Variants in MPPED2 observed in about 807,000 individuals in gnomAD.
MPPED2 encodes the protein metallophosphoesterase domain containing 2, also known as metallophosphoesterase MPPED2.
In MPPED2, 5 loss-of-function variants were observed where a neutral mutation model predicts 33.0. The observed-to-expected ratio is 0.15, with a 90% CI of 0.08 to 0.32. MPPED2 has a LOEUF of 0.32. Among genes scored for constraint, MPPED2 ranks in the 10% least tolerant of loss-of-function variants. The pLI is 1.00. For missense variants in MPPED2, 275 were observed against 372.1 expected, an observed-to-expected ratio of 0.74 and a Z score of 2.15; for synonymous variants, 136 against 141.9, an observed-to-expected ratio of 0.96 and a Z score of 0.29.
chr11:30,457,595 T>A (rs1207814614), intron 4 of MPPED2, among the ~76,000 whole-genome samples: 1 of 152,170 alleles, frequency 6.6e-6, no homozygotes. Context: ...ACATGTAAGA[T>A]CGTATTTAAT....
At chr11:30,418,378 T>C (rs1160776020) in intron 4 of MPPED2, among the ~76,000 whole-genome samples, 2 of 152,222 alleles carry the variant, frequency 1.3e-5, no homozygotes, top group East Asian at 1.9e-4. Context: ...TGATGTTCCA[T>C]GTAGAAGGGA....
intron 3 of MPPED2, among the ~76,000 whole-genome samples, chr11:30,516,719 G>T (rs1012462149): frequency 6.6e-6 from 1 of 152,220 alleles, no homozygotes; most frequent in Non-Finnish European, 1.5e-5. Flanking sequence ...AAGTGCTAAT[G>T]CTGGAATTTT....
chr11:30,483,300 GAAGCATT>G (rs1951576090), intron 4 of MPPED2, among the ~76,000 whole-genome samples: 1 of 152,204 alleles, frequency 6.6e-6, no homozygotes, highest in Non-Finnish European at 1.5e-5. Flanking sequence ...TGAAAAACAG[GAAGCATT>G]AAGTAATGTT....
chr11:30,495,552 A>T, intron 3 of MPPED2, 31 bp from the exon 4 acceptor site: 1 of 1,526,188 alleles, frequency 6.6e-7, no homozygotes, highest in Non-Finnish European at 9.1e-7. Flanking sequence ...ACCAATTAGC[A>T]CGTTCATTTC....
At chr11:30,405,001 C>T (rs1478861688) in intron 6 of MPPED2, among the ~76,000 whole-genome samples, 8 of 152,074 alleles carry the variant, frequency 5.3e-5, no homozygotes, top group South Asian at 4.1e-4. Context: ...ACAATCAGAA[C>T]GTGGCACAGC....
At chr11:30,522,692 G>A (rs557498923) in intron 3 of MPPED2, among the ~76,000 whole-genome samples, 10 of 152,144 alleles carry the variant, frequency 6.6e-5, no homozygotes, top group African/African-American at 1.7e-4. Flanking sequence ...CCTGCCCTGC[G>A]TGTGGGAATG....
intron 4 of MPPED2, among the ~76,000 whole-genome samples, chr11:30,482,944 A>G (rs1402288566): frequency 6.6e-6 from 1 of 151,268 alleles, no homozygotes; most frequent in Non-Finnish European, 1.5e-5. Flanking sequence ...AAATACGAAT[A>G]CCCTCCTTAA....
chr11:30,466,666 C>T (rs1950719490), intron 4 of MPPED2, among the ~76,000 whole-genome samples: 1 of 152,196 alleles, frequency 6.6e-6, no homozygotes, highest in Non-Finnish European at 1.5e-5. Context: ...GGCAGTGATG[C>T]AAATGAACCA....
intron 4 of MPPED2, among the ~76,000 whole-genome samples, chr11:30,469,574 T>C (rs1181182272): frequency 6.6e-6 from 1 of 152,200 alleles, no homozygotes; most frequent in Non-Finnish European, 1.5e-5. Context: ...TACATTACTA[T>C]AATGTTAATA....
intron 6 of MPPED2, among the ~76,000 whole-genome samples, chr11:30,403,715 A>G (rs1009792485): frequency 2.6e-5 from 4 of 152,202 alleles, no homozygotes; most frequent in Non-Finnish European, 4.4e-5. Flanking sequence ...TATTTGAGAC[A>G]GTAGTAGATC....
intron 4 of MPPED2, among the ~76,000 whole-genome samples, chr11:30,459,086 C>T (rs1020535588): frequency 6.6e-6 from 1 of 151,282 alleles, no homozygotes; most frequent in African/African-American, 2.4e-5. Flanking sequence ...CCACTACGCC[C>T]GGCTAATTTT....
At position 30,551,648 on chromosome 11, in the gene MPPED2, C is replaced by T. The variant is rs117068902; in HGVS notation, c.129-15473G>A. Among the ~76,000 whole-genome samples, 1,370 of 152,242 alleles carry T rather than the reference C, an allele frequency of 9.0e-3. 13 individuals carry two copies. Among genetic ancestry groups the T allele is most frequent in the Middle Eastern group, 0.014 (4 of 294 alleles). On this transcript the variant is annotated intron_variant, in intron 2 of 6. Transcript: ENST00000358117. ...TATTATTTGCTTCTATCTCTTATTT[C>T]GTTTAAAAGAAAAACAGATGGTTTA...
At chr11:30,436,896 G>A (rs898897997) in intron 4 of MPPED2, among the ~76,000 whole-genome samples, 1 of 152,144 alleles carries the variant, frequency 6.6e-6, no homozygotes, top group Non-Finnish European at 1.5e-5. Flanking sequence ...GCAACTTCTA[G>A]GTTCTAGAGA....
At chr11:30,387,013 A>C in exon 7 of MPPED2, 1 of 369,462 alleles carries the variant, frequency 2.7e-6, no homozygotes, top group Non-Finnish European at 4.8e-6. Context: ...CATAGTTAGT[A>C]GTGATGGAAG....
At chr11:30,424,640 A>ACAAT (rs1459543476) in intron 4 of MPPED2, among the ~76,000 whole-genome samples, 1 of 152,130 alleles carries the variant, frequency 6.6e-6, no homozygotes, top group Non-Finnish European at 1.5e-5. Context: ...TTGAATATCC[A>ACAAT]GATGAAAGGC....
At chr11:30,522,389 C>T (rs1454289641) in intron 3 of MPPED2, among the ~76,000 whole-genome samples, 2 of 15,708 alleles carry the variant, frequency 1.3e-4, no homozygotes, top group African/African-American at 4.7e-4. Flanking sequence ...GGAAAACATA[C>T]ACACACACAC....
chr11:30,559,108 G>C (rs1197193243), intron 2 of MPPED2, among the ~76,000 whole-genome samples: 1 of 152,136 alleles, frequency 6.6e-6, no homozygotes, highest in East Asian at 1.9e-4. Flanking sequence ...AAATCACAGA[G>C]AAGAGCTTCC....
rs112776116 is a variant in MPPED2 at position 30,456,503 on chromosome 11, A to AT, written c.536+38792dup. ...AGAGTTGATAAATTCATTCATTCTC[A>AT]TTTTCTTTCTCTCTTTCTCTGTGTT... On this transcript the variant is annotated intron_variant, in intron 4 of 6. Transcript: ENST00000358117. 3.6e-3 allele frequency among the ~76,000 whole-genome samples: 547 copies of AT among 151,114 alleles called. 3 individuals are homozygous for AT. The highest frequency in any genetic ancestry group is 0.012 in the African/African-American group (513 of 41,110).
At chr11:30,505,302 C>T (rs748393503) in intron 3 of MPPED2, among the ~76,000 whole-genome samples, 5 of 152,148 alleles carry the variant, frequency 3.3e-5, no homozygotes, top group African/African-American at 9.7e-5. Context: ...CGTACACACT[C>T]GCACATACTC....
Sources: allele counts gnomAD v4.1 joint callset (sites outside exome capture counted in the v4.1 genomes callset), GRCh38; gene constraint gnomAD v4.1.1; transcripts MANE v1.5; gene names NCBI Gene and HGNC (gene_info 2026-07-23, HGNC 2026-07-21).